The following SPACA3 variants were observed in gnomAD, a reference collection of about 807,000 sequenced individuals.
SPACA3 encodes the protein sperm acrosome associated 3, also known as sperm acrosome membrane-associated protein 3.
A neutral mutation model predicts 24.5 loss-of-function variants in SPACA3; 21 were observed. The observed-to-expected ratio is 0.86, with a 90% CI of 0.61 to 1.24. The LOEUF (loss-of-function observed/expected upper bound fraction) is 1.24. Among genes scored for constraint, SPACA3 ranks in the 50% most tolerant of loss-of-function variants. The pLI is 0.00. For synonymous variants in SPACA3, 115 were observed against 106.9 expected (o/e 1.08, Z -0.47); for missense variants, 278 against 275.5 (o/e 1.01, Z -0.06).
chr17:32,993,059 C>T (rs1598221617), intron 1 of SPACA3: 2 of 418,088 alleles, frequency 4.8e-6, no homozygotes, highest in Admixed American at 6.0e-5. Context: ...ATCCACAGGA[C>T]ATTGGGACTG....
At chr17:32,997,639 T>C (rs28958) in intron 4 of SPACA3, 73 bp from the exon 5 acceptor site, 637,435 of 1,557,224 alleles carry the variant, frequency 0.41, 136,857 homozygotes, top group African/African-American at 0.71. Context: ...ACTCTCCTTC[T>C]TGTTCTTCTC....
Position 32,996,934 on chromosome 17 carries a change from C to T in SPACA3, c.435C>T (p.Ile145=). 1 of 1,608,260 alleles carries T rather than the reference C, an allele frequency of 6.2e-7. No individual in the cohort carries two copies. The highest frequency in any genetic ancestry group is 8.5e-7 in the Non-Finnish European group (1 of 1,177,350). The part of the protein sequence containing the change: ...DGSTNNGIFQ[I]NSRRWCSNLT... ...GCACCAACAACGGGATCTTCCAGATCAACAGCCGGAGGTGGTGCAGCAACC... is the reference window on the plus strand; with the variant it reads ...GCACCAACAACGGGATCTTCCAGATTAACAGCCGGAGGTGGTGCAGCAACC... Residue 145 remains isoleucine (I), a synonymous_variant, in exon 3 of 5, where the codon ATC becomes ATT. Transcript: ENST00000269053.
intron 1 of SPACA3, among the ~76,000 whole-genome samples, chr17:32,992,669 A>G (rs2091696665): frequency 6.6e-6 from 1 of 152,198 alleles, no homozygotes; most frequent in Non-Finnish European, 1.5e-5. Context: ...TCACTGGGGA[A>G]CACACCTCTG....
chr17:32,996,935 A>C lies in SPACA3; in HGVS notation c.436A>C (p.Asn146His). Reference protein sequence around the residue: ...GSTNNGIFQINSRRWCSNLTP... With the variant: ...GSTNNGIFQIHSRRWCSNLTP... ...CACCAACAACGGGATCTTCCAGATC[A>C]ACAGCCGGAGGTGGTGCAGCAACCT... is the stretch of plus-strand genomic sequence containing the variant. Residue 146 changes from asparagine (N) to histidine (H), a missense_variant, in exon 3 of 5, where the codon AAC becomes CAC. Coordinates refer to ENST00000269053, the MANE Select transcript of SPACA3 (RefSeq NM_173847.5). 6.2e-7 allele frequency: 1 copy of C among 1,608,104 alleles called. No individual in the cohort carries two copies. Among genetic ancestry groups the C allele is most frequent in the African/African-American group, 1.3e-5 (1 of 74,820 alleles).
chr17:32,997,663 G>T, intron 4 of SPACA3, 49 bp from the exon 5 acceptor site: 1 of 1,595,740 alleles, frequency 6.3e-7, no homozygotes, highest in Non-Finnish European at 8.6e-7. Flanking sequence ...GCGGTGACTG[G>T]CAACTGCAGC....
chr17:32,995,355 T>A, intron 1 of SPACA3, 54 bp from the exon 2 acceptor site: 1 of 1,517,444 alleles, frequency 6.6e-7, no homozygotes, highest in East Asian at 2.3e-5. Context: ...GGCTGATACG[T>A]GCTGCTGGAG....
At chr17:32,992,086 G>A in intron 1 of SPACA3, 114 bp downstream of exon 1, 1 of 1,087,942 alleles carries the variant, frequency 9.2e-7, no homozygotes, top group Non-Finnish European at 1.3e-6. Context: ...ATCCTGGCCT[G>A]GAAGAGTGAC....
intron 1 of SPACA3, among the ~76,000 whole-genome samples, chr17:32,993,688 A>G (rs35700918): frequency 0.042 from 6,446 of 152,004 alleles, 473 homozygotes; most frequent in African/African-American, 0.15. Flanking sequence ...GGGAGGGAGA[A>G]AGTGGCGATT....
At chr17:32,996,142 G>A (rs944470977) in intron 2 of SPACA3, among the ~76,000 whole-genome samples, 1 of 152,158 alleles carries the variant, frequency 6.6e-6, no homozygotes, top group African/African-American at 2.4e-5. Context: ...CTAACAGGTC[G>A]AGCACCCTCT....
chr17:32,996,817 C>G (rs779251981), intron 2 of SPACA3, 26 bp from the exon 3 acceptor site: 1 of 1,490,930 alleles, frequency 6.7e-7, no homozygotes, highest in Non-Finnish European at 9.0e-7. Flanking sequence ...CATCTGACCC[C>G]CAGGCCTATG....
chr17:32,995,328 G>A, intron 1 of SPACA3, 81 bp from the exon 2 acceptor site: 2 of 1,358,096 alleles, frequency 1.5e-6, no homozygotes, highest in South Asian at 1.4e-5. Context: ...GGGTGATGCT[G>A]ATCAGGAATG....
chr17:32,992,632 G>C (rs901999953), intron 1 of SPACA3, among the ~76,000 whole-genome samples: 3 of 152,216 alleles, frequency 2.0e-5, no homozygotes, highest in Non-Finnish European at 4.4e-5. Flanking sequence ...GTGAGAGTGT[G>C]GGGGGTGGTG....
intron 1 of SPACA3, among the ~76,000 whole-genome samples, chr17:32,992,632 G>A (rs901999953): frequency 6.6e-6 from 1 of 152,216 alleles, no homozygotes; most frequent in African/African-American, 2.4e-5. Context: ...GTGAGAGTGT[G>A]GGGGGTGGTG....
At chr17:32,994,461 G>C (rs767787995) in intron 1 of SPACA3, among the ~76,000 whole-genome samples, 1 of 152,162 alleles carries the variant, frequency 6.6e-6, no homozygotes, top group Non-Finnish European at 1.5e-5. Flanking sequence ...ATCCTCGGGG[G>C]CATTCAAGGT....
At chr17:32,992,404 G>A (rs948694296) in intron 1 of SPACA3, among the ~76,000 whole-genome samples, 4 of 152,144 alleles carry the variant, frequency 2.6e-5, no homozygotes, top group Admixed American at 6.5e-5. Flanking sequence ...CTCCCCTCGC[G>A]GTGAGAAGAA....
chr17:32,991,851 C>A lies in SPACA3; in HGVS notation c.-88C>A. On this transcript the variant is annotated 5_prime_UTR_variant, in exon 1 of 5. It adds an upstream start codon to the 5' untranslated region. Transcript: ENST00000269053. ...TGCCTTCCCCATTGTTCTCTTAACA[C>A]TGGGTGCCTGGGGCCCTGGCAAGGT... 1 of 1,571,476 alleles carries A rather than the reference C, an allele frequency of 6.4e-7. No individual in the cohort carries two copies. Among genetic ancestry groups the A allele is most frequent in the Non-Finnish European group, 8.8e-7 (1 of 1,142,618 alleles).
At position 32,995,634 on chromosome 17, in the gene SPACA3, C is replaced by A. The variant is rs201437710; in HGVS notation, c.260C>A (p.Ala87Asp). 12 of 1,614,242 alleles carry A rather than the reference C, an allele frequency of 7.4e-6. No homozygotes were observed. The highest frequency in any genetic ancestry group is 1.7e-5 in the Admixed American group (1 of 60,028). The change falls in exon 2 of 5, where the codon GCC becomes GAC. Residue 87 changes from alanine to aspartate, a missense_variant. Transcript: ENST00000269053. ...LLSCLLPSSE[A>D]KLYGRCELAR... ...AGCTGCCTGCTACCCTCCAGTGAGG[C>A]CAAGCTCTACGGTCGTTGTGAACTG... is the stretch of plus-strand genomic sequence containing the variant.
intron 2 of SPACA3, 55 bp from the exon 3 acceptor site, chr17:32,996,788 G>A (rs2091724870): frequency 1.4e-6 from 2 of 1,451,588 alleles, no homozygotes; most frequent in East Asian, 2.6e-5. Context: ...TGAGCACCCT[G>A]GTCTGGGGTG....
intron 1 of SPACA3, among the ~76,000 whole-genome samples, chr17:32,993,469 A>G (rs2091703424): frequency 6.6e-6 from 1 of 152,090 alleles, no homozygotes; most frequent in Non-Finnish European, 1.5e-5. Flanking sequence ...TAAGGAGGAG[A>G]GTCAGCCAGA....
Sources: allele counts gnomAD v4.1 joint callset (sites outside exome capture counted in the v4.1 genomes callset), GRCh38; gene constraint gnomAD v4.1.1; transcripts MANE v1.5; gene names NCBI Gene and HGNC (gene_info 2026-07-23, HGNC 2026-07-21).